Variants in FOXK2 observed in about 807,000 individuals in gnomAD.
FOXK2 encodes forkhead box protein K2.
Under a neutral mutation model 53.3 loss-of-function variants are expected in FOXK2, and 24 were observed. The ratio of observed to expected loss-of-function variants is 0.45; its 90% CI spans 0.33 to 0.63. The LOEUF is 0.63. Among genes scored for constraint, FOXK2 ranks in the 30% least tolerant of loss-of-function variants. The pLI, the probability that FOXK2 is intolerant of heterozygous loss-of-function variation, is 0.03. For missense variants in FOXK2, 952 were observed against 910.5 expected (o/e 1.05, Z -0.59); for synonymous variants, 505 against 407.1 (o/e 1.24, Z -2.89).
chr17:82,588,055 A>G lies in FOXK2; in HGVS notation c.1786+783A>G, dbSNP rs1049190371. ...ATCACGACGTTTGAATCCTTACCGA[A>G]CGCTACGAACAGAGACCTTGAAACC... is the stretch of plus-strand genomic sequence containing the variant. On this transcript the variant is annotated intron_variant, in intron 8 of 8. Transcript: ENST00000335255. 2.6e-5 allele frequency among the ~76,000 whole-genome samples: 4 copies of G among 152,212 alleles called. No individual in the cohort carries two copies. In the East Asian group the frequency reaches 7.7e-4, roughly 29 times the overall value.
intron 1 of FOXK2, among the ~76,000 whole-genome samples, chr17:82,525,807 A>C (rs2044411262): frequency 6.6e-6 from 1 of 152,026 alleles, no homozygotes; most frequent in Non-Finnish European, 1.5e-5. Context: ...TAGAAGAGTG[A>C]CCCCTGTCCT....
intron 1 of FOXK2, among the ~76,000 whole-genome samples, chr17:82,554,080 C>T (rs2044701391): frequency 6.6e-6 from 1 of 152,190 alleles, no homozygotes; most frequent in African/African-American, 2.4e-5. Context: ...GATCCGCCCA[C>T]CTCGGCCTCC....
At chr17:82,544,827 TC>T (rs2144079740) in intron 1 of FOXK2, among the ~76,000 whole-genome samples, 2 of 152,156 alleles carry the variant, frequency 1.3e-5, no homozygotes, top group Non-Finnish European at 2.9e-5. Context: ...GGACCTGGCT[TC>T]CGTCCAGCTC....
At chr17:82,526,249 C>T (rs1376706176) in intron 1 of FOXK2, among the ~76,000 whole-genome samples, 4 of 152,048 alleles carry the variant, frequency 2.6e-5, no homozygotes, top group Admixed American at 1.3e-4. Flanking sequence ...CTGAGCTTCC[C>T]GGAGAATCCC....
chr17:82,577,949 G>A, intron 4 of FOXK2: 1 of 152,364 alleles, frequency 6.6e-6, no homozygotes, highest in Non-Finnish European at 1.5e-5. Flanking sequence ...TGTTGGCCAG[G>A]CTGGTCTCGA....
intron 4 of FOXK2, chr17:82,577,052 C>T (rs1051766177): frequency 1.2e-4 from 51 of 429,688 alleles, no homozygotes; most frequent in Non-Finnish European, 1.8e-4. Flanking sequence ...ATCCCAGCTA[C>T]TCAGGAGGCT....
At chr17:82,579,408 C>A (rs947791436) in intron 4 of FOXK2, among the ~76,000 whole-genome samples, 3 of 152,182 alleles carry the variant, frequency 2.0e-5, no homozygotes, top group Admixed American at 6.5e-5. Flanking sequence ...CATCTGATGC[C>A]CTTACCTATA....
At chr17:82,550,571 C>T (rs1028623803) in intron 1 of FOXK2, among the ~76,000 whole-genome samples, 13 of 147,880 alleles carry the variant, frequency 8.8e-5, no homozygotes, top group South Asian at 2.2e-4. Context: ...GGCGCAATCT[C>T]GGCTCACTAC....
At chr17:82,546,858 C>G (rs1254134587) in intron 1 of FOXK2, among the ~76,000 whole-genome samples, 1 of 151,992 alleles carries the variant, frequency 6.6e-6, no homozygotes, top group Admixed American at 6.6e-5. Flanking sequence ...AGATGGATCA[C>G]CTGAGGTCAG....
At position 82,587,051 on chromosome 17, in the gene FOXK2, C is replaced by G. The variant is rs1320560657; in HGVS notation, c.1577-12C>G. 4 of 1,610,682 alleles carry G rather than the reference C, an allele frequency of 2.5e-6. No individual in the cohort carries two copies. The highest frequency in any genetic ancestry group is 2.2e-5 in the East Asian group (1 of 44,526). ...AGTAATATTAATGTCGTTTCTTTTCCTTTAATTTCAGTGAAAGTAGAGCCT... is the reference window on the plus strand; with the variant it reads ...AGTAATATTAATGTCGTTTCTTTTCGTTTAATTTCAGTGAAAGTAGAGCCT... On this transcript the variant is annotated splice_polypyrimidine_tract_variant and intron_variant, in intron 7 of 8. Transcript: ENST00000335255.
intron 8 of FOXK2, among the ~76,000 whole-genome samples, chr17:82,591,019 G>A (rs2045248282): frequency 6.6e-6 from 1 of 152,214 alleles, no homozygotes; most frequent in African/African-American, 2.4e-5. Context: ...GTGGGACCCG[G>A]GGCTCAGGGC....
chr17:82,583,825 A>T (rs2045097521), intron 5 of FOXK2, among the ~76,000 whole-genome samples, 188 bp from the exon 6 acceptor site: 1 of 152,216 alleles, frequency 6.6e-6, no homozygotes, highest in Non-Finnish European at 1.5e-5. Context: ...ACACAGGCTG[A>T]GTCTGTCTAC....
rs911913015 is a variant in FOXK2 at position 82,538,628 on chromosome 17, A to G, written c.419+18321A>G. 2.5e-4 allele frequency among the ~76,000 whole-genome samples: 38 copies of G among 152,228 alleles called. 1 individual carries two copies. Among genetic ancestry groups the G allele is most frequent in the Admixed American group, 1.3e-4 (2 of 15,284 alleles). On this transcript the variant is annotated intron_variant, in intron 1 of 8. Transcript: ENST00000335255. ...GGAGCCGCATGGGGTTTTTCTGTGTATCATGTATGGTGTAGAAGAGCAAAA... is the reference window on the plus strand; with the variant it reads ...GGAGCCGCATGGGGTTTTTCTGTGTGTCATGTATGGTGTAGAAGAGCAAAA...
At chr17:82,546,301 G>C (rs2044625020) in intron 1 of FOXK2, among the ~76,000 whole-genome samples, 1 of 151,896 alleles carries the variant, frequency 6.6e-6, no homozygotes, top group African/African-American at 2.4e-5. Context: ...ATTTTTGGTA[G>C]AGACGGGATT....
intron 1 of FOXK2, among the ~76,000 whole-genome samples, chr17:82,555,819 C>T (rs1392814364): frequency 1.5e-5 from 2 of 130,486 alleles, no homozygotes; most frequent in African/African-American, 5.7e-5. Flanking sequence ...ACCTGGGAGG[C>T]GGAGCTTGCA....
chr17:82,547,542 A>G (rs62078129), intron 1 of FOXK2, among the ~76,000 whole-genome samples: 6,524 of 152,118 alleles, frequency 0.043, 152 homozygotes, highest in African/African-American at 0.052. Flanking sequence ...CTTAGTTGCT[A>G]TTTTTCTGTT....
intron 1 of FOXK2, among the ~76,000 whole-genome samples, chr17:82,529,259 G>C (rs1043364157): frequency 3.7e-5 from 4 of 107,748 alleles, no homozygotes; most frequent in East Asian, 2.7e-4. Flanking sequence ...GTCTTGCTCT[G>C]TTTCCCAGGC....
At chr17:82,574,509 G>A (rs903825066) in intron 4 of FOXK2, among the ~76,000 whole-genome samples, 1 of 152,102 alleles carries the variant, frequency 6.6e-6, no homozygotes, top group African/African-American at 2.4e-5. Context: ...TAGCAGAGAC[G>A]GGGTTCCTCC....
chr17:82,525,770 A>T (rs1477499178), intron 1 of FOXK2, among the ~76,000 whole-genome samples: 1 of 152,220 alleles, frequency 6.6e-6, no homozygotes, highest in Non-Finnish European at 1.5e-5. Context: ...CAACTATTTA[A>T]CGTGCTAAAT....
Sources: gnomAD v4.1 joint callset for allele counts (sites outside exome capture counted in the v4.1 genomes callset) on GRCh38, gnomAD v4.1.1 for gene constraint, MANE v1.5 for transcripts, NCBI Gene and HGNC (gene_info 2026-07-23, HGNC 2026-07-21) for gene names.